The following B3GALT1 variants were observed in gnomAD, a reference collection of about 807,000 sequenced individuals.
The protein encoded by B3GALT1 is UDP-Gal:betaGlcNAc beta 1,3-galactosyltransferase, polypeptide 1.
Under a neutral mutation model 23.2 loss-of-function variants are expected in B3GALT1, and 10 were observed. The observed-to-expected ratio is 0.43, with a 90% CI of 0.27 to 0.73. B3GALT1 has a LOEUF of 0.73. Among genes scored for constraint, B3GALT1 ranks in the 30% least tolerant of loss-of-function variants. The probability of loss-of-function intolerance (pLI) is 0.21; values close to 1 mark genes in which losing one functional copy is unlikely to be tolerated. For missense variants in B3GALT1, 299 were observed against 405.4 expected (o/e 0.74, Z 2.25); for synonymous variants, 156 against 141.5 (o/e 1.10, Z -0.73).
intron 3 of B3GALT1, among the ~76,000 whole-genome samples, chr2:167,816,291 T>C (rs1385713115): frequency 6.6e-6 from 1 of 152,222 alleles, no homozygotes; most frequent in East Asian, 1.9e-4. Flanking sequence ...GCCTCTGCTT[T>C]GCTAAAATTA....
intron 4 of B3GALT1, among the ~76,000 whole-genome samples, chr2:167,868,112 G>T (rs1690269621): frequency 6.6e-6 from 1 of 152,228 alleles, no homozygotes; most frequent in African/African-American, 2.4e-5. Flanking sequence ...AATAAATGCT[G>T]CCAGCTGTCT....
At chr2:167,774,486 T>TTA (rs1688125878) in intron 3 of B3GALT1, among the ~76,000 whole-genome samples, 1 of 64,192 alleles carries the variant, frequency 1.6e-5, no homozygotes, top group Non-Finnish European at 2.8e-5. Context: ...TTTTTTTTTG[T>TTA]TTTTTTTTTT....
At chr2:167,366,952 T>C (rs1260093612) in intron 1 of B3GALT1, among the ~76,000 whole-genome samples, 1 of 152,208 alleles carries the variant, frequency 6.6e-6, no homozygotes, top group Non-Finnish European at 1.5e-5. Flanking sequence ...GTCTGAGGCA[T>C]AGAAATGGCT....
At chr2:167,688,605 C>G (rs992746887) in intron 3 of B3GALT1, among the ~76,000 whole-genome samples, 1 of 151,542 alleles carries the variant, frequency 6.6e-6, no homozygotes, top group African/African-American at 2.4e-5. Context: ...TCAGTCTGAA[C>G]AACAGAGAGA....
chr2:167,869,213 C>T lies in B3GALT1; in HGVS notation c.174C>T (p.Ile58=), dbSNP rs1367644095. ...TTGGCAACATAAGAACTCGACCTATCAACCCACATTCTTTTGAATTTCTTA... is the reference window on the plus strand; with the variant it reads ...TTGGCAACATAAGAACTCGACCTATTAACCCACATTCTTTTGAATTTCTTA... ...FTFGNIRTRP[I]NPHSFEFLIN... The change falls in exon 5 of 5, where the codon ATC becomes ATT. Residue 58 remains isoleucine, a synonymous_variant. Coordinates refer to ENST00000392690, the MANE Select transcript of B3GALT1 (RefSeq NM_020981.4). This position sits in a 1 kb window ranked among gnomAD's most constrained non-coding sequence, Gnocchi z 6.4. 2 of 1,614,054 alleles carry T rather than the reference C, an allele frequency of 1.2e-6. No homozygotes were observed. The highest frequency in any genetic ancestry group is 1.1e-5 in the South Asian group (1 of 91,084).
intron 2 of B3GALT1, among the ~76,000 whole-genome samples, chr2:167,548,561 T>G (rs1464504602): frequency 2.6e-5 from 4 of 152,226 alleles, no homozygotes; most frequent in South Asian, 4.1e-4. Flanking sequence ...GGCTGGAGCT[T>G]TAGCAGCCAT....
intron 3 of B3GALT1, among the ~76,000 whole-genome samples, chr2:167,663,009 G>A (rs1686094710): frequency 6.6e-6 from 1 of 151,466 alleles, no homozygotes; most frequent in Admixed American, 6.6e-5. Flanking sequence ...TGCACAATGT[G>A]CAGGTTAGTT....
chr2:167,844,549 G>T (rs1159069931), intron 4 of B3GALT1, among the ~76,000 whole-genome samples: 1 of 152,190 alleles, frequency 6.6e-6, no homozygotes, highest in Non-Finnish European at 1.5e-5. Context: ...AATTTAGAGA[G>T]CCTAGCGAAA....
At chr2:167,565,786 C>G (rs990448749) in intron 2 of B3GALT1, among the ~76,000 whole-genome samples, 2 of 152,072 alleles carry the variant, frequency 1.3e-5, no homozygotes, top group South Asian at 2.1e-4. Context: ...AAATGCAAAT[C>G]AAAACCACAA....
chr2:167,517,966 T>G lies in B3GALT1; in HGVS notation c.-410+27689T>G, dbSNP rs564333099. 3.9e-5 allele frequency among the ~76,000 whole-genome samples: 6 copies of G among 152,228 alleles called. 1 individual carries two copies. The East Asian group carries it at 1.2e-3, about 29-fold the overall frequency. ...TTTTATAGTATCAGTGTAATCTCAT[T>G]TGATCCCAATATCCGTGAACTCTCC... On this transcript the variant is annotated intron_variant, in intron 2 of 4. Coordinates refer to ENST00000392690, the MANE Select transcript of B3GALT1 (RefSeq NM_020981.4).
At chr2:167,767,020 C>T (rs1687989033) in intron 3 of B3GALT1, among the ~76,000 whole-genome samples, 1 of 152,150 alleles carries the variant, frequency 6.6e-6, no homozygotes, top group South Asian at 2.1e-4. Context: ...TGTTTCATCT[C>T]CTATTAAAAT....
chr2:167,411,913 G>A (rs1203176490), intron 1 of B3GALT1, among the ~76,000 whole-genome samples: 3 of 152,122 alleles, frequency 2.0e-5, no homozygotes, highest in Non-Finnish European at 4.4e-5. Flanking sequence ...CAACATGGAT[G>A]GAACTGGAGG....
intron 3 of B3GALT1, among the ~76,000 whole-genome samples, chr2:167,788,807 A>T (rs1033179414): frequency 6.6e-6 from 1 of 152,196 alleles, no homozygotes; most frequent in Non-Finnish European, 1.5e-5. Flanking sequence ...AATTTATGGG[A>T]TGAACCTAAG....
At chr2:167,661,901 G>A (rs576519429) in intron 3 of B3GALT1, among the ~76,000 whole-genome samples, 9 of 152,180 alleles carry the variant, frequency 5.9e-5, no homozygotes, top group African/African-American at 1.7e-4. Flanking sequence ...ATAACTAAGT[G>A]TCAGGGGTGG....
intron 1 of B3GALT1, among the ~76,000 whole-genome samples, chr2:167,417,360 T>C (rs1423042631): frequency 6.6e-6 from 1 of 152,206 alleles, no homozygotes. Context: ...GATGCCTGAA[T>C]CACCTTGGGA....
intron 3 of B3GALT1, among the ~76,000 whole-genome samples, chr2:167,690,891 C>G (rs542343617): frequency 6.6e-6 from 1 of 152,068 alleles, no homozygotes; most frequent in Non-Finnish European, 1.5e-5. Flanking sequence ...GCTTTCTAAG[C>G]AGGTGCGCCT....
chr2:167,850,072 C>G (rs1191492468), intron 4 of B3GALT1, among the ~76,000 whole-genome samples: 6 of 152,120 alleles, frequency 3.9e-5, no homozygotes, highest in African/African-American at 1.4e-4. Flanking sequence ...AGAGCTTTTG[C>G]ACAGCAAAAG....
chr2:167,821,441 T>C (rs183640095), intron 4 of B3GALT1, among the ~76,000 whole-genome samples: 5,031 of 148,698 alleles, frequency 0.034, 120 homozygotes, highest in Non-Finnish European at 0.052. Flanking sequence ...CTTTTTTTTT[T>C]TTTTTTTTTT....
At chr2:167,708,664 A>C (rs993986637) in intron 3 of B3GALT1, among the ~76,000 whole-genome samples, 2 of 152,158 alleles carry the variant, frequency 1.3e-5, no homozygotes, top group Admixed American at 6.5e-5. Flanking sequence ...TCCATCTCAA[A>C]AAAAAGAAAA....
Sources: allele counts gnomAD v4.1 joint callset (sites outside exome capture counted in the v4.1 genomes callset), GRCh38; gene constraint gnomAD v4.1.1; non-coding constraint Gnocchi (gnomAD v3.1); transcripts MANE v1.5; gene names NCBI Gene and HGNC (gene_info 2026-07-23, HGNC 2026-07-21).